Variants in CCDC13 observed in about 807,000 individuals in gnomAD.
CCDC13 encodes the protein coiled-coil domain-containing protein 13.
Under a neutral mutation model 87.3 loss-of-function variants are expected in CCDC13, and 70 were observed. The ratio of observed to expected loss-of-function variants is 0.80; its 90% CI spans 0.66 to 0.98. The LOEUF is 0.98. Among genes scored for constraint, CCDC13 ranks in the 50% least tolerant of loss-of-function variants. CCDC13 has a pLI of 0.00. For synonymous variants in CCDC13, 317 were observed against 360.3 expected (o/e 0.88, Z 1.36); for missense variants, 842 against 892.0 (o/e 0.94, Z 0.71).
At chr3:42,764,981 T>C (rs867913347) in intron 1 of CCDC13, among the ~76,000 whole-genome samples, 6 of 152,312 alleles carry the variant, frequency 3.9e-5, no homozygotes, top group Admixed American at 1.3e-4. Flanking sequence ...CAACTGTCAT[T>C]TGTAGAATTG....
At chr3:42,716,104 C>T (rs951875804) in intron 13 of CCDC13, among the ~76,000 whole-genome samples, 1 of 152,116 alleles carries the variant, frequency 6.6e-6, no homozygotes, top group Non-Finnish European at 1.5e-5. Context: ...GAGTGCTTTC[C>T]ACATACCAAC....
rs116027168 is a variant in CCDC13 at position 42,752,806 on chromosome 3, A to G, written c.371-89T>C. On this transcript the variant is annotated intron_variant, in intron 3 of 15. Coordinates refer to ENST00000310232, the MANE Select transcript of CCDC13 (RefSeq NM_144719.4). Reference sequence around the variant, plus strand: ...ACCACTAACAGCACCAGGGTCTTAAAAGCTAAAGCTGCTTGGCATGAATGC... The same window carrying G: ...ACCACTAACAGCACCAGGGTCTTAAGAGCTAAAGCTGCTTGGCATGAATGC... 3.8e-3 allele frequency: 5,612 copies of G among 1,492,286 alleles called. 155 individuals are homozygous for G. The African/African-American group carries it at 0.064, about 17-fold the overall frequency. The allele number at this position is 1,492,286 out of a possible 1,614,324, so 92.4% of individuals were successfully genotyped here.
chr3:42,769,957 C>T (rs542687850), intron 1 of CCDC13, among the ~76,000 whole-genome samples: 11 of 152,370 alleles, frequency 7.2e-5, no homozygotes, highest in African/African-American at 2.6e-4. Context: ...CCCCTGCCAC[C>T]GTGGGCTCCT....
At chr3:42,771,118 T>A (rs561603616) in intron 1 of CCDC13, 1 of 152,310 alleles carries the variant, frequency 6.6e-6, no homozygotes, top group African/African-American at 2.4e-5. Context: ...GTGAATATTA[T>A]TCAGTGATGA....
chr3:42,723,076 C>T (rs1698605995), intron 13 of CCDC13, among the ~76,000 whole-genome samples: 1 of 152,234 alleles, frequency 6.6e-6, no homozygotes, highest in East Asian at 1.9e-4. Flanking sequence ...GGATTACAGG[C>T]GTGAGCCACC....
At chr3:42,749,290 T>C (rs1699508620) in intron 5 of CCDC13, among the ~76,000 whole-genome samples, 1 of 152,158 alleles carries the variant, frequency 6.6e-6, no homozygotes, top group South Asian at 2.1e-4. Context: ...CTGAGAGCTG[T>C]GGGAGTACAT....
chr3:42,726,499 ATAAGTC>A (rs1698692374), intron 13 of CCDC13, among the ~76,000 whole-genome samples: 1 of 152,220 alleles, frequency 6.6e-6, no homozygotes, highest in East Asian at 1.9e-4. Context: ...GGAGGAAAGA[ATAAGTC>A]TAACATATAT....
At chr3:42,746,060 A>C (rs764996352) in intron 6 of CCDC13, 33 bp from the exon 7 acceptor site, 1 of 1,515,676 alleles carries the variant, frequency 6.6e-7, no homozygotes, top group Non-Finnish European at 9.2e-7. Context: ...ATGTGGCCAA[A>C]AGAGAGGGCT....
chr3:42,743,456 T>G (rs1172658714), intron 7 of CCDC13, among the ~76,000 whole-genome samples: 1 of 148,214 alleles, frequency 6.7e-6, no homozygotes, highest in East Asian at 2.0e-4. Flanking sequence ...CTTGCTCTGT[T>G]GCCCCGACTG....
chr3:42,733,774 T>TGTCATTATCATGC, intron 10 of CCDC13, 165 bp from the exon 11 acceptor site: 2 of 310,918 alleles, frequency 6.4e-6, no homozygotes, highest in Non-Finnish European at 9.4e-6. Context: ...ACTTGCATGA[T>TGTCATTATCATGC]AATGACATCT....
chr3:42,771,060 CAA>C (rs1299378816), intron 1 of CCDC13: 2 of 152,128 alleles, frequency 1.3e-5, no homozygotes, highest in African/African-American at 4.8e-5. Flanking sequence ...GAGAAAAAAA[CAA>C]GATGTACTTC....
rs143303059 is a variant in CCDC13 at position 42,709,758 on chromosome 3, G to T, written c.1914C>A (p.Ser638Arg). Residue 638 changes from serine (S) to arginine (R), a missense_variant, in exon 15 of 16, where the codon AGC becomes AGA. Ser to Arg is a moderately radical substitution (Grantham distance 110). Coordinates refer to ENST00000310232, the MANE Select transcript of CCDC13 (RefSeq NM_144719.4). ...GGGCAAAGGATGGGTCCTTCTTCTC[G>T]CTCCCGGTTGGGTTGTGCCTGTTGT... is the stretch of plus-strand genomic sequence containing the variant. Reference protein sequence around the residue: ...TSNNRHNPTGSEKKDPSFAQL... With the variant: ...TSNNRHNPTGREKKDPSFAQL... 1 of 1,614,138 alleles carries T rather than the reference G, an allele frequency of 6.2e-7. No individual in the cohort carries two copies.
At chr3:42,762,463 C>T (rs955872168) in intron 1 of CCDC13, among the ~76,000 whole-genome samples, 1 of 152,190 alleles carries the variant, frequency 6.6e-6, no homozygotes, top group Non-Finnish European at 1.5e-5. Context: ...TTGCCAGGTG[C>T]AGGGTAGGCT....
intron 13 of CCDC13, among the ~76,000 whole-genome samples, chr3:42,726,325 AG>A (rs1698687707): frequency 6.6e-6 from 1 of 152,226 alleles, no homozygotes; most frequent in African/African-American, 2.4e-5. Flanking sequence ...TACAGGCATG[AG>A]CCACTGTGCC....
At chr3:42,769,944 C>T (rs1220715900) in intron 1 of CCDC13, among the ~76,000 whole-genome samples, 6 of 152,266 alleles carry the variant, frequency 3.9e-5, no homozygotes, top group Admixed American at 3.9e-4. Context: ...ATGCCTGAGC[C>T]TCCCCCTGCC....
chr3:42,725,081 T>C (rs1435169544), intron 13 of CCDC13, among the ~76,000 whole-genome samples: 16 of 152,226 alleles, frequency 1.1e-4, no homozygotes, highest in Admixed American at 1.0e-3. Context: ...AATATACTTA[T>C]CCTCACTTTT....
intron 3 of CCDC13, among the ~76,000 whole-genome samples, chr3:42,755,660 C>T (rs550566426): frequency 6.6e-6 from 1 of 152,236 alleles, no homozygotes; most frequent in South Asian, 2.1e-4. Context: ...CTCTCCAAAA[C>T]GTGAGAATGA....
chr3:42,753,467 G>A (rs1699634069), intron 3 of CCDC13, among the ~76,000 whole-genome samples: 1 of 150,560 alleles, frequency 6.6e-6, no homozygotes, highest in Admixed American at 6.6e-5. Flanking sequence ...CAAGTGCTGG[G>A]TCCTCTTGGT....
chr3:42,733,826 AC>A (rs1216383542), intron 10 of CCDC13, among the ~76,000 whole-genome samples: 8 of 152,212 alleles, frequency 5.3e-5, no homozygotes. Context: ...TGGTGTGAGG[AC>A]GGTGACTGGG....
Sources: allele counts gnomAD v4.1 joint callset (sites outside exome capture counted in the v4.1 genomes callset), GRCh38; gene constraint gnomAD v4.1.1; transcripts MANE v1.5; gene names NCBI Gene and HGNC (gene_info 2026-07-23, HGNC 2026-07-21).